Variants in TEPSIN observed in about 807,000 individuals in gnomAD.
TEPSIN encodes the protein TEPSIN adaptor related protein complex 4 accessory protein, also known as AP-4 complex accessory subunit tepsin.
TEPSIN carries 50 observed loss-of-function variants against 48.5 expected under a neutral mutation model. The ratio of observed to expected loss-of-function variants is 1.03; its 90% CI spans 0.82 to 1.31. The LOEUF (loss-of-function observed/expected upper bound fraction) is 1.31. Ranked by LOEUF, TEPSIN falls within the 50% of genes most tolerant of loss-of-function variation. TEPSIN has a pLI of 0.00. For synonymous variants in TEPSIN, 392 were observed against 358.8 expected (o/e 1.09, Z -1.05); for missense variants, 838 against 815.9 (o/e 1.03, Z -0.33).
chr17:81,235,797 CA>C (rs2062710362), intron 4 of TEPSIN, among the ~76,000 whole-genome samples: 1 of 152,252 alleles, frequency 6.6e-6, no homozygotes, highest in African/African-American at 2.4e-5. Context: ...GCCGTCCCCT[CA>C]GGGGCATCTA....
intron 1 of TEPSIN, chr17:81,238,683 G>C: frequency 8.3e-7 from 1 of 1,199,860 alleles, no homozygotes; most frequent in Non-Finnish European, 1.0e-6. Context: ...CACCGGGTCC[G>C]CCGCTCCTTC....
chr17:81,230,355 C>T lies in TEPSIN; in HGVS notation c.1233+189G>A, dbSNP rs113549915. On this transcript the variant is annotated intron_variant, in intron 12 of 12. Transcript: ENST00000637944. The surrounding 1 kb of genome is among the most constrained non-coding windows in gnomAD (Gnocchi z 4.2). ...AGTGCTGCAGAGTTTGGGTGGAAGGCGGGAAGGCAATGGGGAGGTGAGGAC... is the reference window on the plus strand; with the variant it reads ...AGTGCTGCAGAGTTTGGGTGGAAGGTGGGAAGGCAATGGGGAGGTGAGGAC... 28 of 709,096 alleles carry T rather than the reference C, an allele frequency of 3.9e-5. No homozygotes were observed. Among genetic ancestry groups the T allele is most frequent in the African/African-American group, 1.8e-4 (10 of 54,508 alleles). 43.9% of individuals were successfully genotyped at this position (709,096 alleles called of 1,614,324 possible). A position where few individuals can be genotyped will look rare whatever the true frequency, so the allele number is the denominator to read the frequency against.
intron 4 of TEPSIN, among the ~76,000 whole-genome samples, chr17:81,235,445 C>T (rs1300299175): frequency 6.6e-6 from 1 of 152,198 alleles, no homozygotes; most frequent in East Asian, 1.9e-4. Context: ...GCCTGTGTGT[C>T]ACCCAGGGCC....
Position 81,232,181 on chromosome 17 carries a change from A to G in TEPSIN, c.730+134T>C, listed in dbSNP as rs1008030152. 15 of 1,305,930 alleles carry G rather than the reference A, an allele frequency of 1.1e-5. No individual in the cohort carries two copies. The East Asian group carries it at 3.8e-4, about 33-fold the overall frequency. The allele number at this position is 1,305,930 out of a possible 1,614,324, so 80.9% of individuals were successfully genotyped here. A position where few individuals can be genotyped will look rare whatever the true frequency, so the allele number is the denominator to read the frequency against. The stretch of plus-strand genomic sequence containing the variant: ...TTCAGCAAACACCAGCCCCATGGGC[A>G]TGTGCTTCCGCCGCGGGTCCCACCC... On this transcript the variant is annotated intron_variant, in intron 8 of 12. Coordinates refer to ENST00000637944, the MANE Select transcript of TEPSIN (RefSeq NM_001363764.2).
chr17:81,237,419 G>A lies in TEPSIN; in HGVS notation c.89C>T (p.Pro30Leu), dbSNP rs758689540. The change falls in exon 2 of 13, where the codon CCG (proline) becomes CTG (leucine). Residue 30 changes from proline (P) to leucine (L), a missense_variant. Physicochemically the swap from Pro to Leu is moderately conservative, Grantham distance 98 (BLOSUM62 -3). Coordinates refer to ENST00000637944, the MANE Select transcript of TEPSIN (RefSeq NM_001363764.2). ...CTCTTCAAACAGGTAGCCCGGACAC[G>A]GGACATCATCATCGGACGTCCCCTT... ...LLKGTSDDDVPCPGYLFEEIA... is the reference protein window; with the variant it reads ...LLKGTSDDDVLCPGYLFEEIA... 6 of 1,611,768 alleles carry A rather than the reference G, an allele frequency of 3.7e-6. No homozygotes were observed. The highest frequency in any genetic ancestry group is 1.1e-5 in the South Asian group (1 of 90,644).
At chr17:81,238,650 C>T in intron 1 of TEPSIN, 2 of 1,160,930 alleles carry the variant, frequency 1.7e-6, no homozygotes, top group South Asian at 7.5e-5. Flanking sequence ...GCGCCAGCAG[C>T]ACGGACACAG....
chr17:81,233,259 C>A lies in TEPSIN; in HGVS notation c.526+173G>T, dbSNP rs527693625. On this transcript the variant is annotated intron_variant, in intron 7 of 12. Transcript: ENST00000637944. This position sits in a 1 kb window ranked among gnomAD's most constrained non-coding sequence, Gnocchi z 5.8. ...GCCCTGGCCACACCTGCCCCACCCCCACGTCAGCAGCCAGAGAGAGACAGT... is the reference window on the plus strand; with the variant it reads ...GCCCTGGCCACACCTGCCCCACCCCAACGTCAGCAGCCAGAGAGAGACAGT... 1.1e-4 allele frequency: 80 copies of A among 760,710 alleles called. No individual in the cohort carries two copies. The Middle Eastern group carries it at 1.1e-3, about 11-fold the overall frequency. The allele number at this position is 760,710 out of a possible 1,614,324, so 47.1% of individuals were successfully genotyped here. A position where few individuals can be genotyped will look rare whatever the true frequency, so the allele number is the denominator to read the frequency against.
At chr17:81,232,056 G>A (rs752604760) in intron 8 of TEPSIN, 35 bp from the exon 9 acceptor site, 2 of 1,593,082 alleles carry the variant, frequency 1.3e-6, no homozygotes, top group Non-Finnish European at 1.7e-6. Context: ...AGATCCCTGG[G>A]GCTTCAGGCC....
chr17:81,232,337 G>A lies in TEPSIN; in HGVS notation c.708C>T (p.Pro236=), dbSNP rs556843922. The change falls in exon 8 of 13, where the codon CCC becomes CCT. Residue 236 remains proline (P), a synonymous_variant. Coordinates refer to ENST00000637944, the MANE Select transcript of TEPSIN (RefSeq NM_001363764.2). ...TACCTCGGGGACCTGGAATGGCCCC[G>A]GGGAGTAGGTTCCCCAGGGTTGGGG... ...HGPPTLGNLL[P]GAIPGPRAVR... is the part of the protein sequence containing the mutation. The A allele has an allele frequency of 4.0e-4, 606 of 1,533,810 alleles. 8 individuals carry two copies. In the South Asian group the frequency reaches 5.0e-3, roughly 13 times the overall value.
chr17:81,233,867 G>T lies in TEPSIN; in HGVS notation c.375+114C>A. The T allele has an allele frequency of 7.2e-7, 1 of 1,381,256 alleles. No homozygotes were observed. The highest frequency in any genetic ancestry group is 9.8e-7 in the Non-Finnish European group (1 of 1,024,824). The allele number at this position is 1,381,256 out of a possible 1,614,324, so 85.6% of individuals were successfully genotyped here. A position where few individuals can be genotyped will look rare whatever the true frequency, so the allele number is the denominator to read the frequency against. On this transcript the variant is annotated intron_variant, in intron 5 of 12. Coordinates refer to ENST00000637944, the MANE Select transcript of TEPSIN (RefSeq NM_001363764.2). This position sits in a 1 kb window ranked among gnomAD's most constrained non-coding sequence, Gnocchi z 5.8. ...TCTGTGTCCACCAGCAAGGAGCAGA[G>T]GCAGGGGTCCCGGATGGGAGAACTG...
At position 81,231,567 on chromosome 17, in the gene TEPSIN, G is replaced by A. The variant is rs1437813609; in HGVS notation, c.1019+11C>T. 1 of 1,609,420 alleles carries A rather than the reference G, an allele frequency of 6.2e-7. No homozygotes were observed. Among genetic ancestry groups the A allele is most frequent in the Admixed American group, 1.7e-5 (1 of 59,566 alleles). On this transcript the variant is annotated intron_variant, in intron 10 of 12. Coordinates refer to ENST00000637944, the MANE Select transcript of TEPSIN (RefSeq NM_001363764.2). ...GCTGAGGCAGAGCAGGGCGGGTCCG[G>A]GCGCACTCACGCTTTGATGAAGTGC...
Position 81,228,782 on chromosome 17 carries a change from G to T in TEPSIN, c.*146C>A. The T allele has an allele frequency of 1.0e-6, 1 of 957,514 alleles. No individual in the cohort carries two copies. Among genetic ancestry groups the T allele is most frequent in the Non-Finnish European group, 1.6e-6 (1 of 641,448 alleles). 59.3% of individuals were successfully genotyped at this position (957,514 alleles called of 1,614,324 possible). On this transcript the variant is annotated 3_prime_UTR_variant, in exon 13 of 13. Transcript: ENST00000637944. Reference sequence around the variant, plus strand: ...AATAGCCAGAGCCTCTGGCAGAGGAGATGGGGGAAACTGAGGTAGCCCTAG... The same window carrying T: ...AATAGCCAGAGCCTCTGGCAGAGGATATGGGGGAAACTGAGGTAGCCCTAG...
In TEPSIN at chr17:81,230,449, A is replaced by C; in HGVS notation, c.1233+95T>G. The C allele has an allele frequency of 2.6e-6, 4 of 1,513,166 alleles. No individual in the cohort carries two copies. The highest frequency in any genetic ancestry group is 2.7e-6 in the Non-Finnish European group (3 of 1,121,434). The allele number at this position is 1,513,166 out of a possible 1,614,324, so 93.7% of individuals were successfully genotyped here. On this transcript the variant is annotated intron_variant, in intron 12 of 12. Transcript: ENST00000637944. The surrounding 1 kb of genome is among the most constrained non-coding windows in gnomAD (Gnocchi z 4.2). ...AGAGGGGGTCCGGGAAGGGCTGACC[A>C]GGCGCCGGGCAGGGACGGGGTGGCC...
Position 81,238,991 on chromosome 17 carries a change from G to T in TEPSIN, c.43C>A (p.His15Asn), listed in dbSNP as rs771693195. ...PPLRDRLSFL[H>N]RLPILLKGTS... is the part of the protein sequence containing the mutation. ...GGCGGACCGCCCTCACTCACCCGGT[G>T]TAGAAAGCTCAGGCGGTCCCGTAGC... Residue 15 changes from histidine (H) to asparagine (N), a missense_variant, in exon 1 of 13, where the codon CAC (histidine) becomes AAC (asparagine). Coordinates refer to ENST00000637944, the MANE Select transcript of TEPSIN (RefSeq NM_001363764.2). 4.0e-6 allele frequency: 6 copies of T among 1,485,736 alleles called. No homozygotes were observed. In the South Asian group the frequency reaches 7.7e-5, roughly 19 times the overall value. 92.0% of individuals were successfully genotyped at this position (1,485,736 alleles called of 1,614,324 possible).
At position 81,232,431 on chromosome 17, in the gene TEPSIN, C is replaced by T; in HGVS notation, c.614G>A (p.Ser205Asn). ...ACCCCGCGGCAGGAGCCTCCGGGTA[C>T]TGGGACTCTCGGGCCCGGGGCGCAT... ...SAMRPGPESPSTRRLLPRGDT... is the reference protein window; with the variant it reads ...SAMRPGPESPNTRRLLPRGDT... Residue 205 changes from serine (S) to asparagine (N), a missense_variant, in exon 8 of 13, where the codon AGT becomes AAT. Transcript: ENST00000637944. The T allele has an allele frequency of 6.5e-7, 1 of 1,535,760 alleles. No individual in the cohort carries two copies. Among genetic ancestry groups the T allele is most frequent in the Non-Finnish European group, 8.7e-7 (1 of 1,146,678 alleles).
At chr17:81,237,566 T>C in intron 1 of TEPSIN, 107 bp from the exon 2 acceptor site, 1 of 1,177,390 alleles carries the variant, frequency 8.5e-7, no homozygotes, top group Non-Finnish European at 1.2e-6. Context: ...ACTGTTGACA[T>C]GGCCGGAGAG....
chr17:81,233,952 C>A lies in TEPSIN; in HGVS notation c.375+29G>T. On this transcript the variant is annotated intron_variant, in intron 5 of 12. Transcript: ENST00000637944. The surrounding 1 kb of genome is among the most constrained non-coding windows in gnomAD (Gnocchi z 5.8). ...ACCCCTCTACAGGAGGAGGGGCACC[C>A]CGCAGAGCGACACTGCTCCTGGGCT... The A allele has an allele frequency of 6.3e-7, 1 of 1,586,922 alleles. No individual in the cohort carries two copies.
At position 81,230,257 on chromosome 17, in the gene TEPSIN, G is replaced by C. The variant is rs74436482; in HGVS notation, c.1233+287C>G. ...CTGGAAGAGGTAAGTGTGAGGCCAA[G>C]ACACAAGGGCAGGAACATTAAGGCA... On this transcript the variant is annotated intron_variant, in intron 12 of 12. Coordinates refer to ENST00000637944, the MANE Select transcript of TEPSIN (RefSeq NM_001363764.2). This position sits in a 1 kb window ranked among gnomAD's most constrained non-coding sequence, Gnocchi z 4.2. 10 of 455,964 alleles carry C rather than the reference G, an allele frequency of 2.2e-5. No homozygotes were observed. The South Asian group carries it at 2.7e-4, about 12-fold the overall frequency. The allele number at this position is 455,964 out of a possible 1,614,324, so 28.2% of individuals were successfully genotyped here.
chr17:81,231,630 G>A lies in TEPSIN; in HGVS notation c.967C>T (p.Arg323Trp), dbSNP rs138849284. The change falls in exon 10 of 13, where the codon CGG becomes TGG. Residue 323 changes from arginine to tryptophan, a missense_variant. Physicochemically the swap from Arg to Trp is moderately radical, Grantham distance 101 (BLOSUM62 -3). Transcript: ENST00000637944. The part of the protein sequence containing the change: ...QELSLVRTVT[R>W]GPRAFLSREE... ...CGGCTCAGGAAGGCGCGTGGTCCCC[G>A]AGTCACAGTCCTCACCAAGCTCAAC... The A allele has an allele frequency of 1.3e-5, 21 of 1,613,068 alleles. No individual in the cohort carries two copies. The highest frequency in any genetic ancestry group is 1.2e-4 in the African/African-American group (9 of 74,904).
Sources: gnomAD v4.1 joint callset for allele counts (sites outside exome capture counted in the v4.1 genomes callset) on GRCh38, gnomAD v4.1.1 for gene constraint, Gnocchi (gnomAD v3.1) non-coding constraint, MANE v1.5 for transcripts, NCBI Gene and HGNC (gene_info 2026-07-23, HGNC 2026-07-21) for gene names.